SOHLH1: variants seen among roughly 807,000 people sequenced by gnomAD.
SOHLH1 encodes spermatogenesis and oogenesis specific basic helix-loop-helix 1, also known as spermatogenesis- and oogenesis-specific basic helix-loop-helix-containing protein 1.
Under a neutral mutation model 36.2 loss-of-function variants are expected in SOHLH1, and 23 were observed. The observed-to-expected ratio is 0.64, with a 90% CI of 0.46 to 0.90. The LOEUF is 0.90. Ranked by LOEUF, SOHLH1 falls within the 40% of genes least tolerant of loss-of-function variation. SOHLH1 has a pLI of 0.00. For missense variants in SOHLH1, 608 were observed against 517.0 expected (o/e 1.18, Z -1.71); for synonymous variants, 289 against 228.3 (o/e 1.27, Z -2.40).
chr9:135,699,784 C>T (rs1834971794), upstream of SOHLH1, among the ~76,000 whole-genome samples: 1 of 152,034 alleles, frequency 6.6e-6, no homozygotes. Context: ...CCGGGGGTCG[C>T]CTCGGTTCCC....
upstream of SOHLH1, chr9:135,702,054 C>G (rs1309840387): frequency 3.9e-6 from 2 of 517,960 alleles, no homozygotes; most frequent in Non-Finnish European, 6.7e-6. Context: ...CACCCCCGTC[C>G]CAGCCTGGGC....
upstream of SOHLH1, among the ~76,000 whole-genome samples, chr9:135,701,005 C>A (rs1835014646): frequency 6.6e-6 from 1 of 152,118 alleles, no homozygotes; most frequent in African/African-American, 2.4e-5. Flanking sequence ...ATGGTGCGGC[C>A]TCTCAGTTTT....
chr9:135,694,586 C>A, intron 6 of SOHLH1, 129 bp from the exon 7 acceptor site: 2 of 1,324,122 alleles, frequency 1.5e-6, no homozygotes, highest in Non-Finnish European at 2.1e-6. Context: ...TCCTGACAGG[C>A]TCCACCCTGC....
intron 3 of SOHLH1, 79 bp from the exon 4 acceptor site, chr9:135,697,706 C>T: frequency 2.6e-6 from 4 of 1,535,534 alleles, no homozygotes; most frequent in Non-Finnish European, 3.5e-6. Context: ...AAGACTGCTA[C>T]CCCAGGGCCT....
intron 1 of SOHLH1, 138 bp from the exon 2 acceptor site, chr9:135,699,264 C>T (rs749130541): frequency 2.5e-5 from 38 of 1,498,702 alleles, no homozygotes; most frequent in Non-Finnish European, 3.5e-5. Flanking sequence ...CCGGCCCTCT[C>T]TGCACCCCTT....
intron 6 of SOHLH1, 68 bp from the exon 7 acceptor site, chr9:135,694,525 T>C (rs1051311404): frequency 4.0e-5 from 64 of 1,585,688 alleles, no homozygotes; most frequent in Non-Finnish European, 5.5e-5. Context: ...AGGAAACATT[T>C]GGGCCCAAGT....
chr9:135,698,110 C>G (rs1363398204), intron 3 of SOHLH1, among the ~76,000 whole-genome samples: 1 of 152,142 alleles, frequency 6.6e-6, no homozygotes, highest in Non-Finnish European at 1.5e-5. Flanking sequence ...CACAGGAGGG[C>G]TGGAAAGGAA....
chr9:135,696,671 T>C lies in SOHLH1; in HGVS notation c.602A>G (p.Asp201Gly). 6.2e-7 allele frequency: 1 copy of C among 1,612,876 alleles called. No individual in the cohort carries two copies. The highest frequency in any genetic ancestry group is 8.5e-7 in the Non-Finnish European group (1 of 1,179,896). The change falls in exon 5 of 8, where the codon GAC (aspartate) becomes GGC (glycine). Residue 201 changes from aspartate to glycine, a missense_variant. Physicochemically the swap from Asp to Gly is moderately conservative, Grantham distance 94 (BLOSUM62 -1). Transcript: ENST00000425225. ...DPASCTSLGT[D>G]KCEALLGLCQ... ...CAGCCCCAACAGTGCCTCACACTTG[T>C]CCGTGCCCAGGGACGTGCAGCTCGC... is the stretch of plus-strand genomic sequence containing the variant.
chr9:135,699,603 A>G, upstream of SOHLH1: 4 of 920,414 alleles, frequency 4.3e-6, no homozygotes, highest in Middle Eastern at 3.2e-4. Context: ...CCGCCCCCAT[A>G]GCGCATGCGC....
At position 135,696,790 on chromosome 9, in the gene SOHLH1, C is replaced by T. The variant is rs772397035; in HGVS notation, c.483G>A (p.Lys161=). ...ASSGTRTPDV[K]AFLESPWSLD... is the part of the protein sequence containing the mutation. ...GGGACCAAGGACTTTCCAGAAACGC[C>T]TTCACATCTGGGGTTCTAGAAGGAG... Residue 161 remains lysine, a synonymous_variant, in exon 5 of 8, where the codon AAG becomes AAA. Transcript: ENST00000425225. The T allele has an allele frequency of 3.7e-6, 6 of 1,612,914 alleles. No individual in the cohort carries two copies. The highest frequency in any genetic ancestry group is 3.3e-5 in the Admixed American group (2 of 60,008).
rs150490094 is a variant in SOHLH1, at chr9:135,695,257, G to C, written c.668C>G (p.Ser223Cys). Residue 223 changes from serine to cysteine, a missense_variant, in exon 6 of 8, where the codon TCC becomes TGC. Coordinates refer to ENST00000425225, the MANE Select transcript of SOHLH1 (RefSeq NM_001101677.2). ...GCCTGGGGGCCACGGCACCAGGCTGGAAGGTTCTGGGAGAGAAGTCAGATG... is the reference window on the plus strand; with the variant it reads ...GCCTGGGGGCCACGGCACCAGGCTGCAAGGTTCTGGGAGAGAAGTCAGATG... ...RGGLPPFSEP[S>C]SLVPWPPGRS... 1.4e-3 allele frequency: 2,269 copies of C among 1,593,386 alleles called. 3 individuals are homozygous for C. The highest frequency in any genetic ancestry group is 1.8e-3 in the Non-Finnish European group (2,080 of 1,171,964).
Position 135,694,440 on chromosome 9 carries a change from T to C in SOHLH1, c.893A>G (p.Asp298Gly). 6.2e-7 allele frequency: 1 copy of C among 1,613,136 alleles called. No individual in the cohort carries two copies. The highest frequency in any genetic ancestry group is 2.2e-5 in the East Asian group (1 of 44,864). Reference protein sequence around the residue: ...AQEAGSALGSDVDDGTSFLLT... With the variant: ...AQEAGSALGSGVDDGTSFLLT... ...CAGGAAGGACGTCCCATCGTCCACA[T>C]CAGACCCCAACGCAGACCTGGAAGC... Residue 298 changes from aspartate (D) to glycine (G), a missense_variant, in exon 7 of 8, where the codon GAT becomes GGT. Coordinates refer to ENST00000425225, the MANE Select transcript of SOHLH1 (RefSeq NM_001101677.2).
chr9:135,697,454 G>A, intron 4 of SOHLH1, 52 bp downstream of exon 4: 2 of 1,590,612 alleles, frequency 1.3e-6, no homozygotes, highest in Non-Finnish European at 1.7e-6. Flanking sequence ...CTTTGGGTCT[G>A]CTGCTCCCAG....
In SOHLH1 at chr9:135,695,237, G is replaced by C. The variant is rs980677828; in HGVS notation, c.688C>G (p.Pro230Ala). 2 of 1,601,126 alleles carry C rather than the reference G, an allele frequency of 1.2e-6. No individual in the cohort carries two copies. The highest frequency in any genetic ancestry group is 1.7e-6 in the Non-Finnish European group (2 of 1,175,724). ...ACAGCCTTAGGAAGACTCCGGCCTG[G>C]GGGCCACGGCACCAGGCTGGAAGGT... ...SEPSSLVPWPPGRSLPKAVRP... is the reference protein window; with the variant it reads ...SEPSSLVPWPAGRSLPKAVRP... The change falls in exon 6 of 8, where the codon CCA becomes GCA. Residue 230 changes from proline to alanine, a missense_variant. Physicochemically the swap from Pro to Ala is conservative, Grantham distance 27. Coordinates refer to ENST00000425225, the MANE Select transcript of SOHLH1 (RefSeq NM_001101677.2).
In SOHLH1 at chr9:135,693,668, C is replaced by A. The variant is rs942896286; in HGVS notation, c.1093G>T (p.Asp365Tyr). 2.5e-6 allele frequency: 4 copies of A among 1,586,172 alleles called. No individual in the cohort carries two copies. Among genetic ancestry groups the A allele is most frequent in the Admixed American group, 1.8e-5 (1 of 56,336 alleles). ...QDSPLEPWGL[D>Y]VDCAGLALKD... Reference sequence around the variant, plus strand: ...AGGGCCAGGCCTGCACAGTCCACATCCAGGCCCCACGGCTCCAGAGGGCTG... The same window carrying A: ...AGGGCCAGGCCTGCACAGTCCACATACAGGCCCCACGGCTCCAGAGGGCTG... Residue 365 changes from aspartate to tyrosine, a missense_variant, in exon 8 of 8, where the codon GAT becomes TAT. Physicochemically the swap from Asp to Tyr is radical, Grantham distance 160. Transcript: ENST00000425225.
intron 1 of SOHLH1, 49 bp downstream of exon 1, chr9:135,699,354 G>A: frequency 1.3e-6 from 2 of 1,577,572 alleles, no homozygotes; most frequent in Non-Finnish European, 1.7e-6. Flanking sequence ...GAACCCCTGG[G>A]TACAGGCCTT....
intron 4 of SOHLH1, 63 bp from the exon 5 acceptor site, chr9:135,696,868 C>G: frequency 1.3e-6 from 2 of 1,551,570 alleles, no homozygotes; most frequent in Non-Finnish European, 8.8e-7. Context: ...AGGCTGCCCC[C>G]ACCCACCCCA....
intron 2 of SOHLH1, among the ~76,000 whole-genome samples, chr9:135,698,772 G>A (rs769660776): frequency 2.0e-5 from 3 of 152,232 alleles, no homozygotes; most frequent in Non-Finnish European, 4.4e-5. Context: ...AGGGTCACAG[G>A]TGCACAGCCT....
chr9:135,699,815 G>A (rs1420308379), upstream of SOHLH1, among the ~76,000 whole-genome samples: 1 of 151,954 alleles, frequency 6.6e-6, no homozygotes, highest in African/African-American at 2.4e-5. Context: ...TGGTCTCGGT[G>A]CCCTTGGGCA....
Sources: allele counts gnomAD v4.1 joint callset (sites outside exome capture counted in the v4.1 genomes callset), GRCh38; gene constraint gnomAD v4.1.1; transcripts MANE v1.5; gene names NCBI Gene and HGNC (gene_info 2026-07-23, HGNC 2026-07-21).